The following RHOBTB1 variants were observed in gnomAD, a reference collection of about 807,000 sequenced individuals.
RHOBTB1 encodes Rho related BTB domain containing 1, also known as rho-related BTB domain-containing protein 1.
In RHOBTB1, 40 loss-of-function variants were observed where a neutral mutation model predicts 71.6. The observed-to-expected ratio is 0.56, with a 90% CI of 0.43 to 0.73. The LOEUF (loss-of-function observed/expected upper bound fraction) is 0.73. Ranked by LOEUF, RHOBTB1 falls within the 30% of genes least tolerant of loss-of-function variation. The pLI is 0.00. For missense variants in RHOBTB1, 797 were observed against 894.0 expected (o/e 0.89, Z 1.38); for synonymous variants, 319 against 334.9 (o/e 0.95, Z 0.52).
intron 2 of RHOBTB1, among the ~76,000 whole-genome samples, chr10:60,940,907 A>T (rs1589379276): frequency 6.6e-6 from 1 of 152,322 alleles, no homozygotes; most frequent in East Asian, 1.9e-4. Context: ...CTATTGTTGC[A>T]TACCTGAATG....
chr10:60,876,056 T>C (rs2081037875), intron 8 of RHOBTB1, among the ~76,000 whole-genome samples: 1 of 152,220 alleles, frequency 6.6e-6, no homozygotes, highest in Admixed American at 6.5e-5. Flanking sequence ...GTATCGGGAA[T>C]GGAATGATTT....
At chr10:60,938,783 T>A (rs1474510700) in intron 2 of RHOBTB1, among the ~76,000 whole-genome samples, 2 of 152,140 alleles carry the variant, frequency 1.3e-5, no homozygotes, top group Admixed American at 1.3e-4. Flanking sequence ...CAGCGTTGGG[T>A]GCAAATCCAA....
chr10:61,001,111 T>C (rs1395943995), intron 1 of RHOBTB1, among the ~76,000 whole-genome samples: 2 of 151,506 alleles, frequency 1.3e-5, no homozygotes, highest in South Asian at 2.1e-4. Context: ...GGGGGACGCT[T>C]AGGTAGGAGG....
At chr10:60,986,528 C>A (rs554443656) in intron 1 of RHOBTB1, among the ~76,000 whole-genome samples, 1 of 148,358 alleles carries the variant, frequency 6.7e-6, no homozygotes, top group African/African-American at 2.5e-5. Context: ...GAAAGGAAAA[C>A]GAAGTCCTAT....
At chr10:60,949,815 T>C (rs1307603566) in intron 2 of RHOBTB1, among the ~76,000 whole-genome samples, 1 of 152,174 alleles carries the variant, frequency 6.6e-6, no homozygotes, top group Non-Finnish European at 1.5e-5. Context: ...CTTTTCATTG[T>C]TAGTTCTGTG....
chr10:60,872,339 G>T, intron 9 of RHOBTB1, 49 bp from the exon 10 acceptor site: 1 of 1,357,134 alleles, frequency 7.4e-7, no homozygotes, highest in Non-Finnish European at 1.1e-6. Flanking sequence ...CTAAAGAGGG[G>T]CTACAAAGAA....
rs1210797619 is a variant in RHOBTB1 at position 60,905,463 on chromosome 10, A to AT, written c.296+5423_296+5424insA. ...AGACTCTTTCTCAAAAAAAAAAAAA[A>AT]AAAAAAAAAAAATTCAAATTAAGGC... On this transcript the variant is annotated intron_variant, in intron 4 of 10. Transcript: ENST00000337910. Among the ~76,000 whole-genome samples the AT allele has an allele frequency of 4.6e-4, 69 of 151,126 alleles. 1 individual carries two copies. Among genetic ancestry groups the AT allele is most frequent in the African/African-American group, 1.6e-3 (66 of 40,998 alleles).
In RHOBTB1 at chr10:60,877,901, T is replaced by A; in HGVS notation, c.1726+7A>T. The A allele has an allele frequency of 6.2e-7, 1 of 1,613,014 alleles. No homozygotes were observed. The highest frequency in any genetic ancestry group is 8.5e-7 in the Non-Finnish European group (1 of 1,179,488). On this transcript the variant is annotated splice_region_variant and intron_variant, in intron 8 of 10. Transcript: ENST00000337910. ...GACACTGCATGGCCCTGAGTCATCA[T>A]CCTTACCTGCAAGTGCAACCAAGTG...
At chr10:60,916,811 C>A (rs1309208684) in intron 2 of RHOBTB1, among the ~76,000 whole-genome samples, 1 of 152,206 alleles carries the variant, frequency 6.6e-6, no homozygotes, top group Non-Finnish European at 1.5e-5. Context: ...GTCAGCCGAC[C>A]TTAATATAAG....
intron 2 of RHOBTB1, among the ~76,000 whole-genome samples, chr10:60,934,477 T>C (rs1304988563): frequency 6.6e-6 from 1 of 152,210 alleles, no homozygotes. Context: ...TGGGAAAACA[T>C]TCTCTAATCT....
the RHOBTB1 span, among the ~76,000 whole-genome samples, chr10:60,863,665 T>TG: frequency 1.3e-5 from 2 of 152,134 alleles, no homozygotes; most frequent in Non-Finnish European, 2.9e-5. Flanking sequence ...CCCGAGTAGC[T>TG]GGGACTACAG....
At chr10:60,903,681 GGCCCCTGGGTCAGACTATGA>G (rs1023516959) in intron 4 of RHOBTB1, among the ~76,000 whole-genome samples, 3 of 45,164 alleles carry the variant, frequency 6.6e-5, no homozygotes, top group South Asian at 6.5e-4. Flanking sequence ...TCAGACTATG[GGCCCCTGGGTCAGACTATGA>G]GCCACTGAGG....
intron 2 of RHOBTB1, among the ~76,000 whole-genome samples, chr10:60,921,102 T>A (rs757534121): frequency 5.3e-5 from 8 of 151,854 alleles, no homozygotes; most frequent in Non-Finnish European, 1.0e-4. Context: ...GCACCCACCA[T>A]CATGCCTGGC....
At chr10:60,961,811 G>GTT (rs58771689) in intron 2 of RHOBTB1, among the ~76,000 whole-genome samples, 12 of 127,206 alleles carry the variant, frequency 9.4e-5, no homozygotes, top group Admixed American at 3.9e-4. Flanking sequence ...ACCTTTTTTT[G>GTT]TTTTTTTTTT....
At chr10:60,976,516 C>G (rs1432316868) in intron 2 of RHOBTB1, among the ~76,000 whole-genome samples, 1 of 151,886 alleles carries the variant, frequency 6.6e-6, no homozygotes, top group Non-Finnish European at 1.5e-5. Context: ...TATAGCCAGT[C>G]TTTATGCAAG....
chr10:60,966,769 T>C (rs975061939), intron 2 of RHOBTB1, among the ~76,000 whole-genome samples: 1 of 151,844 alleles, frequency 6.6e-6, no homozygotes, highest in Non-Finnish European at 1.5e-5. Context: ...ACATGTGTCA[T>C]GTTGGTGTGC....
intron 2 of RHOBTB1, among the ~76,000 whole-genome samples, chr10:60,981,489 C>T (rs2086493846): frequency 1.3e-5 from 2 of 152,164 alleles, no homozygotes; most frequent in Admixed American, 6.5e-5. Context: ...TGCAAACTCA[C>T]GTCTGACCTC....
chr10:60,904,796 A>G (rs908697713), intron 4 of RHOBTB1, among the ~76,000 whole-genome samples: 4 of 152,196 alleles, frequency 2.6e-5, no homozygotes, highest in Non-Finnish European at 5.9e-5. Context: ...GGGAACAACT[A>G]TTTCTATCTC....
upstream of RHOBTB1, among the ~76,000 whole-genome samples, chr10:61,001,649 C>T (rs1479427807): frequency 6.6e-6 from 1 of 152,114 alleles, no homozygotes; most frequent in South Asian, 2.1e-4. Flanking sequence ...CGCGGCCTGC[C>T]GGACAGTCCT....
Sources: gnomAD v4.1 joint callset for allele counts (sites outside exome capture counted in the v4.1 genomes callset) on GRCh38, gnomAD v4.1.1 for gene constraint, MANE v1.5 for transcripts, NCBI Gene and HGNC (gene_info 2026-07-23, HGNC 2026-07-21) for gene names.